Variants in TAF1B observed in about 807,000 individuals in gnomAD.
The protein encoded by TAF1B is TATA box-binding protein-associated factor RNA polymerase I subunit B.
Under a neutral mutation model 83.9 loss-of-function variants are expected in TAF1B, and 61 were observed. The observed-to-expected ratio is 0.73, with a 90% CI of 0.59 to 0.90. TAF1B has a LOEUF of 0.90. TAF1B is among the 40% of genes least tolerant of loss of function. The probability of loss-of-function intolerance (pLI) is 0.00; values close to 1 mark genes in which losing one functional copy is unlikely to be tolerated. For synonymous variants in TAF1B, 221 were observed against 224.6 expected (o/e 0.98, Z 0.14); for missense variants, 625 against 677.0 (o/e 0.92, Z 0.85).
chr2:9,901,328 T>C (rs993889322), intron 8 of TAF1B, among the ~76,000 whole-genome samples: 56 of 152,118 alleles, frequency 3.7e-4, no homozygotes, highest in African/African-American at 1.3e-3. Flanking sequence ...TGGAATCTAA[T>C]CTATAGGATA....
At chr2:9,859,723 C>G (rs1045142556) in intron 5 of TAF1B, among the ~76,000 whole-genome samples, 1 of 152,168 alleles carries the variant, frequency 6.6e-6, no homozygotes, top group Non-Finnish European at 1.5e-5. Flanking sequence ...CAACAAGTTT[C>G]TAGGAATTTC....
chr2:9,843,769 G>A (rs1251946676), intron 1 of TAF1B: 4 of 524,818 alleles, frequency 7.6e-6, no homozygotes, highest in African/African-American at 2.0e-5. Flanking sequence ...TTTCTGGCTC[G>A]GCGAGGTTGT....
rs564867394 is a variant in TAF1B at position 9,845,856 on chromosome 2, G to A, written c.117+538G>A. On this transcript the variant is annotated intron_variant, in intron 2 of 14. Transcript: ENST00000263663. The stretch of plus-strand genomic sequence containing the variant: ...CAATTAGCCAGGCGTGGTAGCATGC[G>A]CCTGTAGTCCCAGCTACTTGAGAGG... The A allele has an allele frequency of 1.5e-3, 441 of 301,768 alleles. 2 individuals carry two copies. Among genetic ancestry groups the A allele is most frequent in the African/African-American group, 8.8e-3 (397 of 45,066 alleles). The allele number at this position is 301,768 out of a possible 1,614,324, so 18.7% of individuals were successfully genotyped here. A position where few individuals can be genotyped will look rare whatever the true frequency, so the allele number is the denominator to read the frequency against.
intron 8 of TAF1B, among the ~76,000 whole-genome samples, chr2:9,888,792 T>TTG (rs1664765581): frequency 2.1e-5 from 1 of 46,708 alleles, no homozygotes; most frequent in Non-Finnish European, 6.3e-5. Flanking sequence ...TCTGCTTGGT[T>TTG]TTTTTTTTTT....
At chr2:9,898,661 G>A (rs1665092206) in intron 8 of TAF1B, among the ~76,000 whole-genome samples, 1 of 152,086 alleles carries the variant, frequency 6.6e-6, no homozygotes, top group Non-Finnish European at 1.5e-5. Context: ...GAAGATTCTG[G>A]CAGGCTTCTT....
intron 6 of TAF1B, among the ~76,000 whole-genome samples, chr2:9,873,252 A>G (rs902645686): frequency 6.6e-6 from 1 of 152,220 alleles, no homozygotes; most frequent in Non-Finnish European, 1.5e-5. Flanking sequence ...GAGATAGGCA[A>G]TAAACGACCA....
chr2:9,873,877 A>T (rs376997532), intron 6 of TAF1B, among the ~76,000 whole-genome samples: 10 of 151,500 alleles, frequency 6.6e-5, no homozygotes, highest in African/African-American at 2.4e-4. Flanking sequence ...TTCTGTTTCT[A>T]CTCCTGCCCT....
At chr2:9,907,234 C>T (rs889541639) in intron 9 of TAF1B, among the ~76,000 whole-genome samples, 6 of 150,626 alleles carry the variant, frequency 4.0e-5, no homozygotes, top group East Asian at 1.9e-4. Context: ...AATTAAGTTA[C>T]GATAGTCCCT....
intron 8 of TAF1B, among the ~76,000 whole-genome samples, chr2:9,885,753 A>T (rs200099314): frequency 9.4e-6 from 1 of 106,060 alleles, no homozygotes; most frequent in African/African-American, 3.8e-5. Context: ...GCCCCCCCCC[A>T]CTTTGTCCTT....
At chr2:9,920,097 G>GT (rs1234706285) in intron 14 of TAF1B, among the ~76,000 whole-genome samples, 2 of 152,172 alleles carry the variant, frequency 1.3e-5, no homozygotes, top group Non-Finnish European at 2.9e-5. Flanking sequence ...AGAATGTGCT[G>GT]TATTTTTTAG....
chr2:9,925,244 A>G (rs1412623458), intron 14 of TAF1B, among the ~76,000 whole-genome samples: 2 of 152,116 alleles, frequency 1.3e-5, no homozygotes, highest in African/African-American at 4.8e-5. Flanking sequence ...GATCGAGACC[A>G]TCCTGGCCAA....
At chr2:9,844,018 T>G (rs1663115068) in intron 1 of TAF1B, among the ~76,000 whole-genome samples, 1 of 152,114 alleles carries the variant, frequency 6.6e-6, no homozygotes, top group African/African-American at 2.4e-5. Context: ...AAATTCGGGT[T>G]TGGGAACTCC....
At chr2:9,843,442 A>G (rs1663080708), upstream of TAF1B, 1 of 1,412,928 alleles carries the variant, frequency 7.1e-7, no homozygotes, top group Non-Finnish European at 9.4e-7. Flanking sequence ...CTAGGCGCGG[A>G]TCTCGCGTTT....
intron 8 of TAF1B, among the ~76,000 whole-genome samples, chr2:9,884,805 G>T (rs1220245150): frequency 6.6e-6 from 1 of 152,254 alleles, no homozygotes; most frequent in Admixed American, 6.5e-5. Context: ...GGGTGCTGCT[G>T]CAGCCACCCA....
At chr2:9,876,436 ATGTT>A (rs1664322888) in intron 7 of TAF1B, among the ~76,000 whole-genome samples, 1 of 152,220 alleles carries the variant, frequency 6.6e-6, no homozygotes, top group Admixed American at 6.5e-5. Flanking sequence ...TAGGTTGTCT[ATGTT>A]TGTAAGGAAA....
Position 9,930,696 on chromosome 2 carries a change from C to CTGATT in TAF1B, c.1566-3084_1566-3083insTTTGA, listed in dbSNP as rs200568688. The stretch of plus-strand genomic sequence containing the variant: ...TCTATTAGGTCCACTTGGTGCAGAG[C>CTGATT]TGAGTTCAAGTCCTGGATATCTATC... On this transcript the variant is annotated intron_variant, in intron 14 of 14. Coordinates refer to ENST00000263663, the MANE Select transcript of TAF1B (RefSeq NM_005680.3). Among the ~76,000 whole-genome samples, 1,420 of 152,298 alleles carry CTGATT rather than the reference C, an allele frequency of 9.3e-3. 44 individuals are homozygous for CTGATT. Among genetic ancestry groups the CTGATT allele is most frequent in the Admixed American group, 0.063 (964 of 15,286 alleles).
chr2:9,932,096 T>C (rs546761209), intron 14 of TAF1B, among the ~76,000 whole-genome samples: 288 of 152,336 alleles, frequency 1.9e-3, no homozygotes, highest in Middle Eastern at 0.01. Flanking sequence ...TTAGCTTCCT[T>C]GCGATGGGTT....
chr2:9,843,577 C>T lies in TAF1B; in HGVS notation c.18+18C>T, dbSNP rs1460649407. 2 of 1,509,132 alleles carry T rather than the reference C, an allele frequency of 1.3e-6. No homozygotes were observed. Among genetic ancestry groups the T allele is most frequent in the Admixed American group, 2.1e-5 (1 of 46,638 alleles). 93.5% of individuals were successfully genotyped at this position (1,509,132 alleles called of 1,614,324 possible). A position where few individuals can be genotyped will look rare whatever the true frequency, so the allele number is the denominator to read the frequency against. ...AGGAGGCGGTAAGGAGGCGGTGCAC[C>T]TGGCGGGCCACGATCGCCGGGGCCG... is the stretch of plus-strand genomic sequence containing the variant. On this transcript the variant is annotated intron_variant, in intron 1 of 14. Transcript: ENST00000263663.
chr2:9,860,164 C>G (rs1663705579), intron 5 of TAF1B, among the ~76,000 whole-genome samples: 1 of 152,138 alleles, frequency 6.6e-6, no homozygotes. Context: ...CCACTAGGTC[C>G]CTCCCTCCAG....
Sources: gnomAD v4.1 joint callset for allele counts (sites outside exome capture counted in the v4.1 genomes callset) on GRCh38, gnomAD v4.1.1 for gene constraint, MANE v1.5 for transcripts, NCBI Gene and HGNC (gene_info 2026-07-23, HGNC 2026-07-21) for gene names.